ARID4B: variants seen among roughly 807,000 people sequenced by gnomAD.
The protein encoded by ARID4B is AT-rich interactive domain-containing protein 4B.
ARID4B carries 26 observed loss-of-function variants against 147.5 expected under a neutral mutation model. The ratio of observed to expected loss-of-function variants is 0.18; its 90% CI spans 0.13 to 0.24. ARID4B has a LOEUF of 0.24. Among genes scored for constraint, ARID4B ranks in the 10% least tolerant of loss-of-function variants. The probability of loss-of-function intolerance (pLI) is 1.00; values close to 1 mark genes in which losing one functional copy is unlikely to be tolerated. For missense variants in ARID4B, 1,179 were observed against 1,511.5 expected (o/e 0.78, Z 3.65); for synonymous variants, 512 against 507.9 (o/e 1.01, Z -0.11).
chr1:235,173,763 AAAAAAAAAATATAT>A (rs1234655816), intron 22 of ARID4B, among the ~76,000 whole-genome samples: 25 of 52,470 alleles, frequency 4.8e-4, no homozygotes, highest in Non-Finnish European at 7.3e-4. Context: ...AAAAAAAAAA[AAAAAAAAAATATAT>A]ATATATATAT....
chr1:235,267,114 C>T (rs1285566559), intron 2 of ARID4B, among the ~76,000 whole-genome samples: 1 of 152,200 alleles, frequency 6.6e-6, no homozygotes, highest in Admixed American at 6.5e-5. Context: ...CCCGTCTCTA[C>T]CAGAAATACA....
At chr1:235,311,106 A>C (rs1010848558) in intron 2 of ARID4B, among the ~76,000 whole-genome samples, 1 of 152,090 alleles carries the variant, frequency 6.6e-6, no homozygotes, top group Non-Finnish European at 1.5e-5. Context: ...AATGTCATGC[A>C]ATGATATTTA....
chr1:235,189,292 C>A (rs1256575810), intron 19 of ARID4B, among the ~76,000 whole-genome samples: 1 of 147,376 alleles, frequency 6.8e-6, no homozygotes, highest in Non-Finnish European at 1.5e-5. Context: ...ACCAGCTACT[C>A]GGGAGGCTGA....
In ARID4B at chr1:235,196,025, A is replaced by T. The variant is rs1280652444; in HGVS notation, c.1926+6T>A. On this transcript the variant is annotated splice_donor_region_variant and intron_variant, in intron 18 of 23. Transcript: ENST00000264183. ...CTAATAGTGTGTAGTAAAAACAAGC[A>T]CTTACCTTTATTTTCTTCCGATGTT... The T allele has an allele frequency of 6.4e-7, 1 of 1,571,594 alleles. No individual in the cohort carries two copies.
At chr1:235,257,091 G>A in intron 4 of ARID4B, 69 bp downstream of exon 4, 1 of 1,065,028 alleles carries the variant, frequency 9.4e-7, no homozygotes, top group Non-Finnish European at 1.4e-6. Flanking sequence ...AAGAGCCAAT[G>A]AATTAATACC....
chr1:235,246,705 T>A (rs183170829), intron 6 of ARID4B, among the ~76,000 whole-genome samples, 194 bp from the exon 7 acceptor site: 1 of 151,960 alleles, frequency 6.6e-6, no homozygotes, highest in Non-Finnish European at 1.5e-5. Flanking sequence ...ATGAGCTCAT[T>A]ACTGGAAAAA....
At chr1:235,169,484 G>A (rs1195145582) in intron 23 of ARID4B, among the ~76,000 whole-genome samples, 42 of 150,964 alleles carry the variant, frequency 2.8e-4, no homozygotes, top group Non-Finnish European at 1.9e-4. Flanking sequence ...CTCATGATCC[G>A]CCCATCTCAG....
chr1:235,297,049 G>A (rs534719823), intron 2 of ARID4B, among the ~76,000 whole-genome samples: 1 of 152,060 alleles, frequency 6.6e-6, no homozygotes, highest in East Asian at 1.9e-4. Context: ...AGCAACCAGG[G>A]TTCCTTAAAG....
chr1:235,258,658 T>C (rs1670125255), intron 3 of ARID4B, among the ~76,000 whole-genome samples: 1 of 152,226 alleles, frequency 6.6e-6, no homozygotes, highest in South Asian at 2.1e-4. Context: ...ATCAGGTATA[T>C]GTGATAATTA....
chr1:235,173,783 T>TAG (rs1663613093), intron 22 of ARID4B, among the ~76,000 whole-genome samples: 1 of 53,232 alleles, frequency 1.9e-5, no homozygotes, highest in Non-Finnish European at 3.1e-5. Context: ...TATATATATA[T>TAG]ATATATATAT....
At chr1:235,200,384 G>T (rs1665825255) in intron 17 of ARID4B, among the ~76,000 whole-genome samples, 1 of 152,148 alleles carries the variant, frequency 6.6e-6, no homozygotes, top group South Asian at 2.1e-4. Context: ...GCTTGAACCC[G>T]AGAGGCGGAG....
At chr1:235,290,587 T>A (rs1672272127) in intron 2 of ARID4B, among the ~76,000 whole-genome samples, 1 of 152,168 alleles carries the variant, frequency 6.6e-6, no homozygotes, top group Admixed American at 6.5e-5. Flanking sequence ...ACAACCTAAA[T>A]GTCCAAAAAT....
intron 20 of ARID4B, among the ~76,000 whole-genome samples, chr1:235,179,394 CG>C (rs1302055347): frequency 6.6e-6 from 1 of 151,578 alleles, no homozygotes; most frequent in Non-Finnish European, 1.5e-5. Flanking sequence ...AAAAATTAGC[CG>C]GGCGTTAATC....
At chr1:235,211,895 GA>G (rs1666741854) in intron 17 of ARID4B, among the ~76,000 whole-genome samples, 1 of 152,142 alleles carries the variant, frequency 6.6e-6, no homozygotes, top group Non-Finnish European at 1.5e-5. Context: ...AGCTATATCT[GA>G]GATCTCAAGT....
At chr1:235,319,881 C>G (rs556197277) in intron 2 of ARID4B, among the ~76,000 whole-genome samples, 40 of 152,140 alleles carry the variant, frequency 2.6e-4, no homozygotes, top group African/African-American at 9.4e-4. Context: ...GTAATCCCAG[C>G]ACTCTGGGAG....
chr1:235,176,804 TTCTGCACTGAA>T, intron 21 of ARID4B: 1 of 469,532 alleles, frequency 2.1e-6, no homozygotes, highest in Non-Finnish European at 4.4e-6. Flanking sequence ...AATAACCCTT[TTCTGCACTGAA>T]GTGCAGCCAA....
At chr1:235,281,166 A>AT (rs1671648235) in intron 2 of ARID4B, among the ~76,000 whole-genome samples, 1 of 151,972 alleles carries the variant, frequency 6.6e-6, no homozygotes, top group Non-Finnish European at 1.5e-5. Context: ...TCAGCCTATA[A>AT]TCTCAGCACT....
chr1:235,174,798 CAG>C (rs995848793), intron 22 of ARID4B, among the ~76,000 whole-genome samples: 1 of 151,126 alleles, frequency 6.6e-6, no homozygotes. Flanking sequence ...GCCTGGGCGA[CAG>C]AGAGACTCTG....
At chr1:235,208,171 G>A (rs2102994775) in intron 17 of ARID4B, among the ~76,000 whole-genome samples, 1 of 152,236 alleles carries the variant, frequency 6.6e-6, no homozygotes, top group South Asian at 2.1e-4. Context: ...TAAATTCCAT[G>A]CCAATTAGTC....
Sources: gnomAD v4.1 joint callset for allele counts (sites outside exome capture counted in the v4.1 genomes callset) on GRCh38, gnomAD v4.1.1 for gene constraint, MANE v1.5 for transcripts, NCBI Gene and HGNC (gene_info 2026-07-23, HGNC 2026-07-21) for gene names.